The following SBF2 variants were observed in gnomAD, a reference collection of about 807,000 sequenced individuals.
The protein encoded by SBF2 is myotubularin-related protein 13.
In SBF2, 112 loss-of-function variants were observed where a neutral mutation model predicts 225.2. That is an observed-to-expected ratio of 0.50 (90% CI 0.43 to 0.58). SBF2 has a LOEUF of 0.58. Among genes scored for constraint, SBF2 ranks in the 20% least tolerant of loss-of-function variants. SBF2 has a pLI of 0.00. For missense variants in SBF2, 1,996 were observed against 2,206.2 expected (o/e 0.90, Z 1.91); for synonymous variants, 763 against 773.3 (o/e 0.99, Z 0.22).
chr11:10,010,913 T>C (rs1049538171), intron 6 of SBF2, among the ~76,000 whole-genome samples: 9 of 152,202 alleles, frequency 5.9e-5, no homozygotes, highest in Non-Finnish European at 1.2e-4. Context: ...TCCTATGTCC[T>C]TGAGCAGTGG....
At chr11:10,049,105 G>C (rs1001694029) in intron 2 of SBF2, among the ~76,000 whole-genome samples, 3 of 152,088 alleles carry the variant, frequency 2.0e-5, no homozygotes, top group African/African-American at 7.2e-5. Context: ...CAAATCACAA[G>C]AGCTTGAATG....
At chr11:9,852,911 A>G (rs968069956) in intron 20 of SBF2, among the ~76,000 whole-genome samples, 162 bp from the exon 21 acceptor site, 1 of 152,178 alleles carries the variant, frequency 6.6e-6, no homozygotes, top group Non-Finnish European at 1.5e-5. Flanking sequence ...CTACATATAT[A>G]CCCAAAAGAA....
upstream of SBF2, among the ~76,000 whole-genome samples, chr11:10,297,947 A>G (rs1477192854): frequency 2.0e-5 from 3 of 152,264 alleles, no homozygotes; most frequent in African/African-American, 7.2e-5. Context: ...ACCATCCCCT[A>G]CAATAACCAC....
intron 1 of SBF2, among the ~76,000 whole-genome samples, chr11:10,256,684 C>T (rs58226738): frequency 6.6e-6 from 1 of 152,184 alleles, no homozygotes; most frequent in African/African-American, 2.4e-5. Flanking sequence ...CCTACCCTCT[C>T]CAGGGTATAG....
intron 1 of SBF2, among the ~76,000 whole-genome samples, chr11:10,274,272 T>C (rs1962779139): frequency 6.6e-6 from 1 of 152,178 alleles, no homozygotes; most frequent in Non-Finnish European, 1.5e-5. Flanking sequence ...GGTTTCATTT[T>C]ATTAAGAGAA....
At chr11:9,832,139 G>T in intron 27 of SBF2, 85 bp downstream of exon 27, 1 of 1,186,676 alleles carries the variant, frequency 8.4e-7, no homozygotes, top group Non-Finnish European at 1.2e-6. Flanking sequence ...TGATGAAAAG[G>T]CACCATTCCC....
chr11:9,823,428 T>C (rs1048713904), intron 28 of SBF2, among the ~76,000 whole-genome samples: 5 of 130,972 alleles, frequency 3.8e-5, no homozygotes, highest in African/African-American at 1.2e-4. Flanking sequence ...TGTACGACAA[T>C]GAAAAGAATG....
intron 32 of SBF2, among the ~76,000 whole-genome samples, chr11:9,800,716 A>G (rs1054572632): frequency 4.0e-5 from 6 of 151,856 alleles, no homozygotes; most frequent in Admixed American, 2.6e-4. Context: ...CAAAAAAAGT[A>G]TTTATTATGT....
chr11:9,783,153 T>C (rs1271989065), intron 38 of SBF2: 3 of 152,236 alleles, frequency 2.0e-5, no homozygotes, highest in Non-Finnish European at 4.4e-5. Flanking sequence ...AGAAAAATTA[T>C]GACATTCTCC....
chr11:10,039,527 A>T (rs1004310537), intron 3 of SBF2, among the ~76,000 whole-genome samples: 3 of 151,992 alleles, frequency 2.0e-5, no homozygotes, highest in Middle Eastern at 3.2e-3. Context: ...GGAAAAACTG[A>T]TATGAAGCAG....
At chr11:9,805,245 C>CAAA (rs35459604) in intron 32 of SBF2, among the ~76,000 whole-genome samples, 4 of 137,034 alleles carry the variant, frequency 2.9e-5, no homozygotes, top group African/African-American at 8.3e-5. Context: ...GACTCTGTCT[C>CAAA]AAAAAAAAAA....
intron 2 of SBF2, among the ~76,000 whole-genome samples, chr11:10,101,218 C>T (rs1952287468): frequency 6.6e-6 from 1 of 152,176 alleles, no homozygotes. Flanking sequence ...TCTTACCCAG[C>T]AACTACCCAA....
At chr11:9,858,097 G>C (rs1199182817) in intron 18 of SBF2, 129 bp downstream of exon 18, 1 of 929,324 alleles carries the variant, frequency 1.1e-6, no homozygotes, top group East Asian at 2.4e-5. Flanking sequence ...GATATCACAG[G>C]GCTCCCTAAA....
chr11:9,971,726 A>G (rs1946467303), intron 13 of SBF2, among the ~76,000 whole-genome samples: 1 of 152,178 alleles, frequency 6.6e-6, no homozygotes, highest in South Asian at 2.1e-4. Flanking sequence ...TATCACTTCT[A>G]GTCAAAATCT....
chr11:9,965,938 T>A (rs1186158224), intron 14 of SBF2, among the ~76,000 whole-genome samples: 1 of 152,228 alleles, frequency 6.6e-6, no homozygotes, highest in Non-Finnish European at 1.5e-5. Flanking sequence ...TATATTAGAA[T>A]AGAAAACTTA....
intron 1 of SBF2, among the ~76,000 whole-genome samples, chr11:10,279,034 G>A (rs1264138450): frequency 6.8e-6 from 1 of 148,124 alleles, no homozygotes; most frequent in Non-Finnish European, 1.5e-5. Context: ...TGAGTTTGAG[G>A]CTGCAGTGAG....
At chr11:9,813,431 G>A (rs12801134) in intron 29 of SBF2, among the ~76,000 whole-genome samples, 4 of 152,070 alleles carry the variant, frequency 2.6e-5, no homozygotes, top group African/African-American at 4.8e-5. Context: ...AGGTTCAAGC[G>A]ATTCTCCTGC....
At chr11:9,872,716 T>C (rs1858880581) in intron 17 of SBF2, among the ~76,000 whole-genome samples, 1 of 152,038 alleles carries the variant, frequency 6.6e-6, no homozygotes. Flanking sequence ...GGCAGTACTA[T>C]GGAAAAAATG....
At position 9,789,702 on chromosome 11, in the gene SBF2, G is replaced by A. The variant is rs117898165; in HGVS notation, c.4699-360C>T. On this transcript the variant is annotated intron_variant, in intron 34 of 39. Coordinates refer to ENST00000256190, the MANE Select transcript of SBF2 (RefSeq NM_030962.4). The stretch of plus-strand genomic sequence containing the variant: ...ACCCACCCCTATCTTACATTCTAAG[G>A]GTCTTAACATGAATCATTATGTATA... Among the ~76,000 whole-genome samples the A allele has an allele frequency of 2.6e-3, 389 of 152,134 alleles. 7 individuals carry two copies. Among genetic ancestry groups the A allele is most frequent in the Admixed American group, 0.022 (343 of 15,294 alleles).
Sources: allele counts gnomAD v4.1 joint callset (sites outside exome capture counted in the v4.1 genomes callset), GRCh38; gene constraint gnomAD v4.1.1; transcripts MANE v1.5; gene names NCBI Gene and HGNC (gene_info 2026-07-23, HGNC 2026-07-21).